ARFGEF3: variants seen among roughly 807,000 people sequenced by gnomAD.
The protein encoded by ARFGEF3 is brefeldin A-inhibited guanine nucleotide-exchange protein 3.
Under a neutral mutation model 221.7 loss-of-function variants are expected in ARFGEF3, and 96 were observed. The observed-to-expected ratio is 0.43, with a 90% confidence interval of 0.37 to 0.51. The LOEUF is 0.51. Ranked by LOEUF, ARFGEF3 falls within the 20% of genes least tolerant of loss-of-function variation. The probability of loss-of-function intolerance (pLI) is 0.00; values close to 1 mark genes in which losing one functional copy is unlikely to be tolerated. For synonymous variants in ARFGEF3, 1,145 were observed against 1,126.8 expected (o/e 1.02, Z -0.32); for missense variants, 2,410 against 2,789.9 (o/e 0.86, Z 3.07).
Position 138,319,848 on chromosome 6 carries a change from G to C in ARFGEF3, c.4620G>C (p.Val1540=), listed in dbSNP as rs746531272. Residue 1540 remains valine (V), a synonymous_variant, in exon 28 of 34, where the codon GTG becomes GTC. Coordinates refer to ENST00000251691, the MANE Select transcript of ARFGEF3 (RefSeq NM_020340.5). The part of the protein sequence containing the change: ...KHAIGLSCEL[V]VEHIQSFLHS... ...CTATTGGTCTGTCCTGTGAGCTGGT[G>C]GTGGAGCACATTCAAAGCTTTCTAC... 3.1e-5 allele frequency: 50 copies of C among 1,613,872 alleles called. No homozygotes were observed. The highest frequency in any genetic ancestry group is 1.6e-4 in the East Asian group (7 of 44,892).
intron 27 of ARFGEF3, among the ~76,000 whole-genome samples, chr6:138,318,076 AGAG>A (rs1355747285): frequency 2.6e-5 from 4 of 152,206 alleles, no homozygotes; most frequent in Non-Finnish European, 5.9e-5. Context: ...TTTCTTACTA[AGAG>A]GAGGTCTGTA....
intron 2 of ARFGEF3, among the ~76,000 whole-genome samples, chr6:138,195,192 TG>T (rs1375281146): frequency 6.6e-6 from 1 of 151,518 alleles, no homozygotes; most frequent in Non-Finnish European, 1.5e-5. Context: ...TTAGTAGAGA[TG>T]GGGTCTCACC....
chr6:138,249,450 C>T (rs1296724234), intron 8 of ARFGEF3, among the ~76,000 whole-genome samples: 2 of 152,196 alleles, frequency 1.3e-5, no homozygotes, highest in Non-Finnish European at 2.9e-5. Flanking sequence ...CTGCTTCAGC[C>T]TCCTGAGTAG....
chr6:138,285,409 A>G (rs1029724783), intron 14 of ARFGEF3, among the ~76,000 whole-genome samples: 2 of 150,796 alleles, frequency 1.3e-5, no homozygotes, highest in African/African-American at 4.9e-5. Context: ...AGCCGAGATC[A>G]CGCCACTGCA....
At chr6:138,282,886 A>G (rs1205281627) in intron 14 of ARFGEF3, among the ~76,000 whole-genome samples, 3 of 151,662 alleles carry the variant, frequency 2.0e-5, no homozygotes, top group Non-Finnish European at 4.4e-5. Context: ...CCATCTCTAC[A>G]AAAAAAATAC....
intron 14 of ARFGEF3, among the ~76,000 whole-genome samples, chr6:138,282,570 A>G (rs1348870023): frequency 6.6e-6 from 1 of 152,214 alleles, no homozygotes; most frequent in Non-Finnish European, 1.5e-5. Context: ...AGGTCAGAAC[A>G]TACAGTGAGG....
At chr6:138,282,050 G>A (rs1779204836) in intron 14 of ARFGEF3, among the ~76,000 whole-genome samples, 1 of 152,170 alleles carries the variant, frequency 6.6e-6, no homozygotes, top group Non-Finnish European at 1.5e-5. Context: ...CACCTCCCAG[G>A]TTCGAGCGAT....
intron 10 of ARFGEF3, among the ~76,000 whole-genome samples, chr6:138,257,414 C>T (rs922331830): frequency 2.0e-5 from 3 of 152,128 alleles, no homozygotes; most frequent in Non-Finnish European, 2.9e-5. Flanking sequence ...TCTTCCTGTA[C>T]CTGGAAGAAA....
In ARFGEF3 at chr6:138,340,364, G is replaced by C. The variant is rs1780407958; in HGVS notation, c.*3878G>C. 2 of 152,218 alleles carry C rather than the reference G, an allele frequency of 1.3e-5. No individual in the cohort carries two copies. Among genetic ancestry groups the C allele is most frequent in the South Asian group, 4.1e-4 (2 of 4,834 alleles). 9.4% of individuals were successfully genotyped at this position (152,218 alleles called of 1,614,324 possible). On this transcript the variant is annotated 3_prime_UTR_variant, in exon 34 of 34. Transcript: ENST00000251691. ...TTTTAAAATGAGGCTTATACAGAGTGAGTTGAGAGTCAAGTAGCCTTCGCT... is the reference window on the plus strand; with the variant it reads ...TTTTAAAATGAGGCTTATACAGAGTCAGTTGAGAGTCAAGTAGCCTTCGCT...
At chr6:138,283,469 A>G (rs1779233404) in intron 14 of ARFGEF3, among the ~76,000 whole-genome samples, 1 of 152,376 alleles carries the variant, frequency 6.6e-6, no homozygotes, top group East Asian at 1.9e-4. Flanking sequence ...AGGGCTTTTC[A>G]TAAGAATTCA....
intron 4 of ARFGEF3, among the ~76,000 whole-genome samples, chr6:138,214,289 T>C (rs1301219690): frequency 6.6e-6 from 1 of 152,252 alleles, no homozygotes; most frequent in Non-Finnish European, 1.5e-5. Flanking sequence ...AAGGGTATGT[T>C]AATTTAGTCT....
At chr6:138,302,708 T>C (rs997627905) in intron 22 of ARFGEF3, among the ~76,000 whole-genome samples, 1 of 152,198 alleles carries the variant, frequency 6.6e-6, no homozygotes, top group African/African-American at 2.4e-5. Flanking sequence ...TGCTGACTTC[T>C]TCAGAAAGAA....
intron 12 of ARFGEF3, among the ~76,000 whole-genome samples, chr6:138,265,172 G>T (rs949182535): frequency 1.3e-5 from 2 of 152,046 alleles, no homozygotes; most frequent in Non-Finnish European, 2.9e-5. Flanking sequence ...CAAAGTGCTG[G>T]GATTACAGGC....
chr6:138,162,167 C>T lies in ARFGEF3; in HGVS notation c.81C>T (p.Ala27=), dbSNP rs779326919. Reference sequence around the variant, plus strand: ...CCATCAAGGAGAGCTGCACCTGGGCCCTGGGTAAGCGTCCGGCACCTGCTC... The same window carrying T: ...CCATCAAGGAGAGCTGCACCTGGGCTCTGGGTAAGCGTCCGGCACCTGCTC... ...YKAIKESCTW[A]LETLGGLDTI... Residue 27 remains alanine (A), a synonymous_variant, in exon 1 of 34, where the codon GCC becomes GCT. Transcript: ENST00000251691. This position sits in a 1 kb window ranked among gnomAD's most constrained non-coding sequence, Gnocchi z 4.7. 8 of 1,597,578 alleles carry T rather than the reference C, an allele frequency of 5.0e-6. No individual in the cohort carries two copies. Among genetic ancestry groups the T allele is most frequent in the Non-Finnish European group, 6.8e-6 (8 of 1,171,444 alleles).
intron 8 of ARFGEF3, among the ~76,000 whole-genome samples, chr6:138,247,765 G>A (rs2114564256): frequency 6.6e-6 from 1 of 152,276 alleles, no homozygotes; most frequent in African/African-American, 2.4e-5. Flanking sequence ...ATATTGTATA[G>A]AATATAATAT....
In ARFGEF3 at chr6:138,255,546, C is replaced by T. The variant is rs778211953; in HGVS notation, c.881C>T (p.Ala294Val). ...STSTSLESDS[A>V]SPGVSDHGRG... ...AGTACCAGCCTGGAGTCGGACTCTGCGTCTCCGGGAGTGTCTGACCACGGC... is the reference window on the plus strand; with the variant it reads ...AGTACCAGCCTGGAGTCGGACTCTGTGTCTCCGGGAGTGTCTGACCACGGC... The change falls in exon 10 of 34, where the codon GCG becomes GTG. Residue 294 changes from alanine (A) to valine (V), a missense_variant. This residue lies in a region of ARFGEF3 where 570 missense variants were observed against 586.9 expected (regional missense o/e 0.97). Coordinates refer to ENST00000251691, the MANE Select transcript of ARFGEF3 (RefSeq NM_020340.5). 9 of 1,614,046 alleles carry T rather than the reference C, an allele frequency of 5.6e-6. No homozygotes were observed. Among genetic ancestry groups the T allele is most frequent in the Non-Finnish European group, 5.9e-6 (7 of 1,179,900 alleles).
intron 5 of ARFGEF3, among the ~76,000 whole-genome samples, chr6:138,236,501 AGGTAGGGTCTCTGTCACCCAGACT>A (rs1182419134): frequency 7.9e-5 from 12 of 152,220 alleles, no homozygotes; most frequent in South Asian, 4.1e-4. Flanking sequence ...TTCAGGGGGT[AGGTAGGGTCTCTGTCACCCAGACT>A]GGAGTGGCAC....
chr6:138,323,880 C>G, intron 30 of ARFGEF3, 107 bp downstream of exon 30: 1 of 1,538,394 alleles, frequency 6.5e-7, no homozygotes, highest in Non-Finnish European at 8.9e-7. Context: ...AGCAGGCAGT[C>G]TCACTTTAGA....
chr6:138,286,321 G>T (rs527540677), intron 15 of ARFGEF3, among the ~76,000 whole-genome samples: 2 of 152,100 alleles, frequency 1.3e-5, no homozygotes, highest in South Asian at 4.1e-4. Context: ...GTGGTGGTGG[G>T]CACCTGTAGT....
Sources: allele counts gnomAD v4.1 joint callset (sites outside exome capture counted in the v4.1 genomes callset), GRCh38; gene constraint gnomAD v4.1.1; regional missense constraint gnomAD v4.1.1; non-coding constraint Gnocchi (gnomAD v3.1); transcripts MANE v1.5; gene names NCBI Gene and HGNC (gene_info 2026-07-23, HGNC 2026-07-21).